The following SDK1 variants were observed in gnomAD, a reference collection of about 807,000 sequenced individuals.
The protein encoded by SDK1 is sidekick cell adhesion molecule 1.
A neutral mutation model predicts 245.5 loss-of-function variants in SDK1; 157 were observed. That is an observed-to-expected ratio of 0.64 (90% CI 0.56 to 0.73). The LOEUF (loss-of-function observed/expected upper bound fraction) is 0.73, where lower values mean the gene tolerates loss of function less well. Ranked by LOEUF, SDK1 falls within the 30% of genes least tolerant of loss-of-function variation. The pLI, the probability that SDK1 is intolerant of heterozygous loss-of-function variation, is 0.00. For missense variants in SDK1, 3,583 were observed against 3,002.3 expected, an observed-to-expected ratio of 1.19 and a Z score of -4.52; for synonymous variants, 1,647 against 1,278.5, an observed-to-expected ratio of 1.29 and a Z score of -6.15.
rs139397910 is a variant in SDK1, at chr7:3,994,753, A to G, written c.2131+7431A>G. 2.1e-3 allele frequency among the ~76,000 whole-genome samples: 322 copies of G among 152,176 alleles called. 3 individuals are homozygous for G. Among genetic ancestry groups the G allele is most frequent in the East Asian group, 0.015 (77 of 5,174 alleles). On this transcript the variant is annotated intron_variant, in intron 14 of 44. Coordinates refer to ENST00000404826, the MANE Select transcript of SDK1 (RefSeq NM_152744.4). ...TATAGGGTTTACCTCATGCATTTTT[A>G]TCAAATCCACTGCCCTGCCCTTCTT... is the stretch of plus-strand genomic sequence containing the variant.
Position 4,267,599 on chromosome 7 carries a change from C to T in SDK1, c.*2215C>T. The T allele has an allele frequency of 1.0e-6, 1 of 985,466 alleles. No homozygotes were observed. Among genetic ancestry groups the T allele is most frequent in the Non-Finnish European group, 1.2e-6 (1 of 829,940 alleles). 61.0% of individuals were successfully genotyped at this position (985,466 alleles called of 1,614,324 possible). ...ACCATGGCCAGCGCTGCTTTCTGTG[C>T]ACTCTGATGACTGCTCTCTGCAGCC... On this transcript the variant is annotated 3_prime_UTR_variant, in exon 45 of 45. Transcript: ENST00000404826.
At chr7:3,999,026 T>G (rs893129756) in intron 14 of SDK1, among the ~76,000 whole-genome samples, 1 of 152,212 alleles carries the variant, frequency 6.6e-6, no homozygotes, top group Non-Finnish European at 1.5e-5. Flanking sequence ...TGATTTTGTT[T>G]TTGTTTGTAT....
chr7:3,721,157 T>TGG lies in SDK1; in HGVS notation c.713+79053_713+79054dup, dbSNP rs1349030274. 2.0e-5 allele frequency among the ~76,000 whole-genome samples: 3 copies of TGG among 152,270 alleles called. No homozygotes were observed. In the East Asian group the frequency reaches 5.8e-4, roughly 29 times the overall value. On this transcript the variant is annotated intron_variant, in intron 4 of 44. Transcript: ENST00000404826. ...CTTAAAAAGGGAGCTGGAGGGAGCTTGGAGGTGATGGAACTGTTCCCTCTC... is the reference window on the plus strand; with the variant it reads ...CTTAAAAAGGGAGCTGGAGGGAGCTTGGGGAGGTGATGGAACTGTTCCCTCTC...
At chr7:3,809,438 C>G (rs1779330810) in intron 4 of SDK1, among the ~76,000 whole-genome samples, 1 of 152,110 alleles carries the variant, frequency 6.6e-6, no homozygotes, top group Admixed American at 6.5e-5. Flanking sequence ...CAGCTGTGCT[C>G]GAGGTGCTGT....
intron 1 of SDK1, among the ~76,000 whole-genome samples, chr7:3,402,586 ATG>A (rs1778919430): frequency 6.6e-6 from 1 of 152,208 alleles, no homozygotes; most frequent in Non-Finnish European, 1.5e-5. Context: ...TGAAATAAGA[ATG>A]TGCATTGTGA....
chr7:4,070,770 C>T (rs1780204379), intron 20 of SDK1, among the ~76,000 whole-genome samples: 1 of 150,772 alleles, frequency 6.6e-6, no homozygotes, highest in East Asian at 2.0e-4. Context: ...AGTACAGTGG[C>T]ACAATCTCAG....
At chr7:3,888,930 G>A (rs1004242246) in intron 5 of SDK1, among the ~76,000 whole-genome samples, 7 of 152,168 alleles carry the variant, frequency 4.6e-5, no homozygotes, top group African/African-American at 1.7e-4. Context: ...TGTTAAAAAG[G>A]AACTATGGCT....
chr7:3,320,129 G>C (rs1779765081), intron 1 of SDK1, among the ~76,000 whole-genome samples: 1 of 151,794 alleles, frequency 6.6e-6, no homozygotes, highest in Admixed American at 6.6e-5. Flanking sequence ...GGAAGCTCCG[G>C]ATGACTGTTT....
intron 1 of SDK1, among the ~76,000 whole-genome samples, chr7:3,503,606 GT>G (rs1382289623): frequency 6.6e-6 from 1 of 152,090 alleles, no homozygotes; most frequent in Non-Finnish European, 1.5e-5. Context: ...GAGACCAGGG[GT>G]TTGAGGCTGC....
intron 17 of SDK1, among the ~76,000 whole-genome samples, chr7:4,023,360 C>G (rs1425424789): frequency 6.6e-6 from 1 of 152,122 alleles, no homozygotes. Flanking sequence ...AATTGAGCAG[C>G]AAAGCTCTAA....
In SDK1 at chr7:3,969,319, G is replaced by A. The variant is rs533379167; in HGVS notation, c.1609G>A (p.Gly537Ser). 2 of 1,610,858 alleles carry A rather than the reference G, an allele frequency of 1.2e-6. No individual in the cohort carries two copies. The highest frequency in any genetic ancestry group is 2.2e-5 in the South Asian group (2 of 89,984). The change falls in exon 11 of 45, where the codon GGT becomes AGT. Residue 537 changes from glycine to serine, a missense_variant. By Grantham distance (56) the Gly-to-Ser change is moderately conservative (BLOSUM62 0). Transcript: ENST00000404826. The part of the protein sequence containing the change: ...IPRFMLLESG[G>S]LQIAPVFIQD... ...TAGGTTCATGCTTCTTGAATCGGGGGGTCTACAGATCGCGCCCGTCTTCAT... is the reference window on the plus strand; with the variant it reads ...TAGGTTCATGCTTCTTGAATCGGGGAGTCTACAGATCGCGCCCGTCTTCAT...
intron 22 of SDK1, among the ~76,000 whole-genome samples, chr7:4,101,202 G>T (rs1478598965): frequency 1.3e-5 from 2 of 150,474 alleles, no homozygotes; most frequent in Non-Finnish European, 2.9e-5. Context: ...AGGCTGGAGT[G>T]CAGTGGTGCG....
At chr7:3,835,020 C>G (rs1313575299) in intron 5 of SDK1, among the ~76,000 whole-genome samples, 1 of 152,094 alleles carries the variant, frequency 6.6e-6, no homozygotes, top group East Asian at 1.9e-4. Flanking sequence ...CAATGTTTTC[C>G]TTTGTTTTTC....
At chr7:4,115,066 G>A (rs568267489) in intron 25 of SDK1, among the ~76,000 whole-genome samples, 1 of 152,182 alleles carries the variant, frequency 6.6e-6, no homozygotes, top group African/African-American at 2.4e-5. Context: ...GGCCAACTGT[G>A]GGTCATAGGA....
intron 1 of SDK1, among the ~76,000 whole-genome samples, chr7:3,614,218 G>C (rs1781694378): frequency 6.6e-6 from 1 of 152,116 alleles, no homozygotes; most frequent in African/African-American, 2.4e-5. Context: ...ACACAGATGA[G>C]ACTCTCTCTT....
intron 1 of SDK1, among the ~76,000 whole-genome samples, chr7:3,470,415 A>G (rs1781145112): frequency 6.6e-6 from 1 of 152,192 alleles, no homozygotes; most frequent in Admixed American, 6.5e-5. Flanking sequence ...GTATAGAAAT[A>G]TAAAATTTGT....
intron 1 of SDK1, among the ~76,000 whole-genome samples, chr7:3,497,171 TAGA>T (rs1453762316): frequency 1.3e-5 from 2 of 152,184 alleles, no homozygotes; most frequent in Admixed American, 1.3e-4. Flanking sequence ...TCTTTTTAGT[TAGA>T]AGAATGCTCC....
At chr7:4,161,056 A>T (rs1781087309) in intron 31 of SDK1, among the ~76,000 whole-genome samples, 1 of 152,170 alleles carries the variant, frequency 6.6e-6, no homozygotes, top group African/African-American at 2.4e-5. Context: ...GGGATCTTAC[A>T]GCTGGGAGGC....
intron 40 of SDK1, among the ~76,000 whole-genome samples, chr7:4,230,210 G>T (rs1021127913): frequency 6.8e-6 from 1 of 147,760 alleles, no homozygotes; most frequent in Admixed American, 6.8e-5. Context: ...TAGATGAGTA[G>T]ATGTGTGGAT....
Sources: gnomAD v4.1 joint callset for allele counts (sites outside exome capture counted in the v4.1 genomes callset) on GRCh38, gnomAD v4.1.1 for gene constraint, MANE v1.5 for transcripts, NCBI Gene and HGNC (gene_info 2026-07-23, HGNC 2026-07-21) for gene names.